The following AMBRA1 variants were observed in gnomAD, a reference collection of about 807,000 sequenced individuals.
AMBRA1 encodes activating molecule in BECN1-regulated autophagy protein 1.
AMBRA1 carries 47 observed loss-of-function variants against 125.4 expected under a neutral mutation model. The ratio of observed to expected loss-of-function variants is 0.37; its 90% CI spans 0.30 to 0.48. The LOEUF is 0.48. AMBRA1 is among the 20% of genes least tolerant of loss of function. The pLI, the probability that AMBRA1 is intolerant of heterozygous loss-of-function variation, is 0.99. For missense variants in AMBRA1, 1,331 were observed against 1,693.4 expected (o/e 0.79, Z 3.76); for synonymous variants, 626 against 655.5 (o/e 0.95, Z 0.69).
intron 7 of AMBRA1, among the ~76,000 whole-genome samples, chr11:46,536,409 C>G (rs1410190499): frequency 1.3e-5 from 2 of 152,144 alleles, no homozygotes; most frequent in African/African-American, 4.8e-5. Context: ...TCCCAAGGGA[C>G]ACGGTGACAG....
At chr11:46,574,622 A>G (rs185118927) in intron 1 of AMBRA1, among the ~76,000 whole-genome samples, 15 of 152,272 alleles carry the variant, frequency 9.9e-5, no homozygotes, top group African/African-American at 3.6e-4. Context: ...TCTAAAGGAA[A>G]TCTTATGTGA....
rs761371924 is a variant in AMBRA1, at chr11:46,397,334, C to T, written c.*116G>A. On this transcript the variant is annotated 3_prime_UTR_variant, in exon 18 of 18. Transcript: ENST00000683756. ...CTTCCTCTCCACCCTGACCCTCTTCCTCCTCCTGTTCCCTGATGCAGCCAG... is the reference window on the plus strand; with the variant it reads ...CTTCCTCTCCACCCTGACCCTCTTCTTCCTCCTGTTCCCTGATGCAGCCAG... 20 of 1,351,198 alleles carry T rather than the reference C, an allele frequency of 1.5e-5. No individual in the cohort carries two copies. The highest frequency in any genetic ancestry group is 1.7e-5 in the Non-Finnish European group (18 of 1,040,274). The allele number at this position is 1,351,198 out of a possible 1,614,324, so 83.7% of individuals were successfully genotyped here.
rs532882457 is a variant in AMBRA1, at chr11:46,433,600, G to T, written c.2850C>A (p.Ser950=). The T allele has an allele frequency of 6.2e-7, 1 of 1,613,834 alleles. No homozygotes were observed. The highest frequency in any genetic ancestry group is 2.2e-5 in the East Asian group (1 of 44,874). The change falls in exon 14 of 18, where the codon TCC becomes TCA. Residue 950 remains serine (S), a synonymous_variant. Coordinates refer to ENST00000683756, the MANE Select transcript of AMBRA1 (RefSeq NM_001387011.1). ...FGPNAISVSL[S]PMGRYVMVGL... is the part of the protein sequence containing the mutation. Reference sequence around the variant, plus strand: ...CCACCATTACATATCTGCCCATTGGGGACAGGCTCACCGAAATGGCATTGG... The same window carrying T: ...CCACCATTACATATCTGCCCATTGGTGACAGGCTCACCGAAATGGCATTGG...
chr11:46,442,485 A>G (rs1302415170), intron 12 of AMBRA1, among the ~76,000 whole-genome samples: 1 of 152,050 alleles, frequency 6.6e-6, no homozygotes, highest in Non-Finnish European at 1.5e-5. Context: ...TGGTCAGGCC[A>G]CCTTGTCAGT....
At chr11:46,559,665 CAATCTGGGGATATAGGAGT>C (rs1449389480) in intron 1 of AMBRA1, among the ~76,000 whole-genome samples, 2 of 152,120 alleles carry the variant, frequency 1.3e-5, no homozygotes, top group Non-Finnish European at 2.9e-5. Flanking sequence ...GCTGATCCTG[CAATCTGGGGATATAGGAGT>C]ATCAGTCAAG....
rs114473139 is a variant in AMBRA1 at position 46,549,638 on chromosome 11, G to A, written c.-120-1138C>T. Among the ~76,000 whole-genome samples the A allele has an allele frequency of 2.0e-3, 306 of 151,914 alleles. 1 individual carries two copies. The highest frequency in any genetic ancestry group is 6.6e-3 in the African/African-American group (274 of 41,424). ...TCATCTAATACTTCAATTATCATTCGAATTTTCCCCATTGTCCAAAAAATT... is the reference window on the plus strand; with the variant it reads ...TCATCTAATACTTCAATTATCATTCAAATTTTCCCCATTGTCCAAAAAATT... On this transcript the variant is annotated intron_variant, in intron 1 of 17. Coordinates refer to ENST00000683756, the MANE Select transcript of AMBRA1 (RefSeq NM_001387011.1).
chr11:46,398,982 C>T (rs940038588), intron 17 of AMBRA1, among the ~76,000 whole-genome samples: 2 of 151,750 alleles, frequency 1.3e-5, no homozygotes, highest in Admixed American at 1.3e-4. Flanking sequence ...CCATGTTGGC[C>T]AGGCTGGTTT....
chr11:46,587,379 C>CA (rs913121286), intron 1 of AMBRA1, among the ~76,000 whole-genome samples: 22 of 149,378 alleles, frequency 1.5e-4, no homozygotes, highest in African/African-American at 3.7e-4. Context: ...GACCCTGCCA[C>CA]AAAAAAAAAG....
chr11:46,518,091 TAAAGTA>T lies in AMBRA1; in HGVS notation c.2073-5284_2073-5279del, dbSNP rs922566566. On this transcript the variant is annotated intron_variant, in intron 7 of 17. Transcript: ENST00000683756. ...AAAAACATACAACACACAAAAATCTTAAAGTAAAATACTGAAAAGAAAGAGATAGCC... is the reference window on the plus strand; with the variant it reads ...AAAAACATACAACACACAAAAATCTTAAATACTGAAAAGAAAGAGATAGCC... 1.7e-5 allele frequency: 17 copies of T among 983,584 alleles called. No individual in the cohort carries two copies. The African/African-American group carries it at 2.8e-4, about 16-fold the overall frequency. 60.9% of individuals were successfully genotyped at this position (983,584 alleles called of 1,614,324 possible).
Position 46,397,592 on chromosome 11 carries a change from G to A in AMBRA1, c.3755C>T (p.Ser1252Phe). Residue 1252 changes from serine (S) to phenylalanine (F), a missense_variant, in exon 18 of 18, where the codon TCC (serine) becomes TTC (phenylalanine). Physicochemically the swap from Ser to Phe is radical, Grantham distance 155 (BLOSUM62 -2). Around this residue, in one of 4 missense-constraint regions of AMBRA1, gnomAD observed 144 missense variants for 133.9 expected, o/e 1.08. Coordinates refer to ENST00000683756, the MANE Select transcript of AMBRA1 (RefSeq NM_001387011.1). ...AAGGGAAACAGGAATGGGGACAGGG[G>A]AGGAAGAGGGCAGGGTTGGCTGGGT... Reference protein sequence around the residue: ...EPTQPTLPSSSPVPIPVSLPS... With the variant: ...EPTQPTLPSSFPVPIPVSLPS... 3 of 1,603,098 alleles carry A rather than the reference G, an allele frequency of 1.9e-6. No individual in the cohort carries two copies. The highest frequency in any genetic ancestry group is 2.6e-6 in the Non-Finnish European group (3 of 1,173,562).
At chr11:46,514,422 C>G (rs1212849741) in intron 7 of AMBRA1, among the ~76,000 whole-genome samples, 2 of 152,140 alleles carry the variant, frequency 1.3e-5, no homozygotes, top group African/African-American at 4.8e-5. Flanking sequence ...TGTAACAATC[C>G]TACCACTGAA....
intron 7 of AMBRA1, among the ~76,000 whole-genome samples, chr11:46,535,903 T>C (rs1952454784): frequency 6.6e-6 from 1 of 152,158 alleles, no homozygotes; most frequent in African/African-American, 2.4e-5. Flanking sequence ...AACAGACTTA[T>C]TACAGGCTTC....
intron 7 of AMBRA1, among the ~76,000 whole-genome samples, 164 bp downstream of exon 7, chr11:46,541,781 C>T (rs543612785): frequency 6.6e-6 from 1 of 152,234 alleles, no homozygotes; most frequent in Non-Finnish European, 1.5e-5. Flanking sequence ...CCTATCCTAT[C>T]TCTGCCACCA....
At chr11:46,533,434 C>T (rs2135137205) in intron 7 of AMBRA1, among the ~76,000 whole-genome samples, 1 of 152,298 alleles carries the variant, frequency 6.6e-6, no homozygotes, top group East Asian at 1.9e-4. Flanking sequence ...TCAAGCTCTC[C>T]CTTCCTCACA....
intron 11 of AMBRA1, among the ~76,000 whole-genome samples, chr11:46,444,814 C>A (rs921068515): frequency 5.5e-4 from 84 of 152,042 alleles, no homozygotes; most frequent in African/African-American, 1.7e-3. Flanking sequence ...AAGAGAAAAC[C>A]TTCATAGAAG....
chr11:46,494,014 A>G, intron 10 of AMBRA1, 110 bp downstream of exon 10: 1 of 1,060,588 alleles, frequency 9.4e-7, no homozygotes, highest in Non-Finnish European at 1.4e-6. Context: ...CTATGGGCCC[A>G]CTAGGAAACA....
At chr11:46,497,898 G>T (rs1950694763) in intron 9 of AMBRA1, among the ~76,000 whole-genome samples, 1 of 152,188 alleles carries the variant, frequency 6.6e-6, no homozygotes. Flanking sequence ...GGTGGGAAAA[G>T]AAATTTCAAT....
chr11:46,418,270 AAT>A (rs1017088604), intron 14 of AMBRA1, among the ~76,000 whole-genome samples: 74 of 142,710 alleles, frequency 5.2e-4, no homozygotes, highest in South Asian at 3.0e-3. Flanking sequence ...ATTTATATAT[AAT>A]ATGTTTTATT....
rs569465301 is a variant in AMBRA1, at chr11:46,433,649, G to T, written c.2822-21C>A. 1.1e-4 allele frequency: 170 copies of T among 1,606,910 alleles called. No homozygotes were observed. The South Asian group carries it at 1.2e-3, about 12-fold the overall frequency. On this transcript the variant is annotated intron_variant, in intron 13 of 17. Coordinates refer to ENST00000683756, the MANE Select transcript of AMBRA1 (RefSeq NM_001387011.1). ...GGGACCTGAGGGCCAACAAAACAGA[G>T]AAATATTTCCTAGGCTTCTGGCCAT...
Sources: gnomAD v4.1 joint callset for allele counts (sites outside exome capture counted in the v4.1 genomes callset) on GRCh38, gnomAD v4.1.1 for gene constraint, gnomAD v4.1.1 regional missense constraint, MANE v1.5 for transcripts, NCBI Gene and HGNC (gene_info 2026-07-23, HGNC 2026-07-21) for gene names.